RIMBP2: variants seen among roughly 807,000 people sequenced by gnomAD.
The protein encoded by RIMBP2 is RIMS-binding protein 2.
A neutral mutation model predicts 118.6 loss-of-function variants in RIMBP2; 48 were observed. That is an observed-to-expected ratio of 0.40 (90% CI 0.32 to 0.51). The LOEUF (loss-of-function observed/expected upper bound fraction) is 0.51, where lower values mean the gene tolerates loss of function less well. Ranked by LOEUF, RIMBP2 falls within the 20% of genes least tolerant of loss-of-function variation. The pLI is 0.41. For synonymous variants in RIMBP2, 762 were observed against 742.9 expected, an observed-to-expected ratio of 1.03 and a Z score of -0.42; for missense variants, 1,551 against 1,768.3, an observed-to-expected ratio of 0.88 and a Z score of 2.20.
chr12:130,615,432 T>G (rs2060870216), intron 2 of RIMBP2, among the ~76,000 whole-genome samples: 1 of 151,726 alleles, frequency 6.6e-6, no homozygotes, highest in South Asian at 2.1e-4. Flanking sequence ...CATCTCAGCC[T>G]CCAGAGTAGC....
At chr12:130,558,932 G>C (rs1196362521) in intron 2 of RIMBP2, among the ~76,000 whole-genome samples, 1 of 152,162 alleles carries the variant, frequency 6.6e-6, no homozygotes, top group African/African-American at 2.4e-5. Context: ...AAGTAGGTTA[G>C]AAACTCACAT....
intron 2 of RIMBP2, among the ~76,000 whole-genome samples, chr12:130,593,092 C>T (rs1014287476): frequency 6.6e-6 from 1 of 152,230 alleles, no homozygotes; most frequent in Non-Finnish European, 1.5e-5. Context: ...TCTTCCCGGG[C>T]CCATTCCCTC....
chr12:130,715,553 G>A (rs145223705), intron 1 of RIMBP2, among the ~76,000 whole-genome samples: 7 of 152,290 alleles, frequency 4.6e-5, no homozygotes, highest in Non-Finnish European at 5.9e-5. Context: ...GTCTGCCCCC[G>A]GCCAGCAGCC....
chr12:130,567,807 C>T (rs1329078685), intron 2 of RIMBP2, among the ~76,000 whole-genome samples: 1 of 152,170 alleles, frequency 6.6e-6, no homozygotes, highest in African/African-American at 2.4e-5. Context: ...CACTCGGCAT[C>T]GCCTTTCTAG....
intron 1 of RIMBP2, among the ~76,000 whole-genome samples, chr12:130,702,232 T>A (rs1466945249): frequency 6.6e-6 from 1 of 151,988 alleles, no homozygotes. Context: ...TAACCACATG[T>A]GGGACCGGGC....
intron 2 of RIMBP2, among the ~76,000 whole-genome samples, chr12:130,559,100 T>C (rs998573884): frequency 3.3e-5 from 5 of 152,230 alleles, no homozygotes; most frequent in African/African-American, 4.8e-5. Flanking sequence ...TTCTGATATA[T>C]GTTTATGTTA....
In RIMBP2 at chr12:130,529,829, G is replaced by A. The variant is rs139867893; in HGVS notation, c.-216-11912C>T. 5.6e-3 allele frequency among the ~76,000 whole-genome samples: 850 copies of A among 152,174 alleles called. 5 individuals carry two copies. The highest frequency in any genetic ancestry group is 9.4e-3 in the Non-Finnish European group (639 of 67,988). ...GGCATTAGGTTCTCATAAGGAGTGT[G>A]CAAACTAGATCCCTCACATGTGCAG... On this transcript the variant is annotated intron_variant, in intron 2 of 22. Coordinates refer to ENST00000690449, the MANE Select transcript of RIMBP2 (RefSeq NM_001393629.1).
At chr12:130,418,995 G>A (rs1324574034) in intron 17 of RIMBP2, among the ~76,000 whole-genome samples, 1 of 152,216 alleles carries the variant, frequency 6.6e-6, no homozygotes, top group Non-Finnish European at 1.5e-5. Context: ...GTAGAGGTGG[G>A]TGGAGCACTT....
In RIMBP2 at chr12:130,658,101, G is replaced by A. The variant is rs1486002657; in HGVS notation, c.-351-29645C>T. ...CCCACCTTCCCAGTACTTAAAAGAC[G>A]ACGGCAGTAACCAACAATGAATGCC... On this transcript the variant is annotated intron_variant, in intron 1 of 22. Transcript: ENST00000690449. The A allele has an allele frequency of 2.6e-5, 4 of 152,250 alleles. No individual in the cohort carries two copies. The East Asian group carries it at 5.8e-4, about 22-fold the overall frequency. 9.4% of individuals were successfully genotyped at this position (152,250 alleles called of 1,614,324 possible).
intron 2 of RIMBP2, among the ~76,000 whole-genome samples, chr12:130,519,057 T>G (rs1416704177): frequency 3.3e-5 from 5 of 152,262 alleles, no homozygotes; most frequent in Non-Finnish European, 7.3e-5. Flanking sequence ...GCTGTCAGGC[T>G]GAGAACTTCT....
In RIMBP2 at chr12:130,607,744, A is replaced by G. The variant is rs531311299; in HGVS notation, c.-217+20578T>C. On this transcript the variant is annotated intron_variant, in intron 2 of 22. Coordinates refer to ENST00000690449, the MANE Select transcript of RIMBP2 (RefSeq NM_001393629.1). ...TCAGTAAGGGGAGCCCCAGAAAACT[A>G]TTCATTCCACCAGGTTCAAGTTCCA... 8.6e-5 allele frequency among the ~76,000 whole-genome samples: 13 copies of G among 152,040 alleles called. No homozygotes were observed. In the South Asian group the frequency reaches 1.5e-3, roughly 17 times the overall value.
At chr12:130,660,738 C>T (rs1478049029) in intron 1 of RIMBP2, 3 of 152,218 alleles carry the variant, frequency 2.0e-5, no homozygotes, top group Admixed American at 6.5e-5. Context: ...CCCTGTTTCT[C>T]TGATTGAGCA....
intron 2 of RIMBP2, among the ~76,000 whole-genome samples, chr12:130,590,306 C>G (rs560977717): frequency 2.0e-5 from 3 of 152,170 alleles, no homozygotes; most frequent in Admixed American, 6.5e-5. Context: ...TGACAACACA[C>G]GTAATTGCTC....
At chr12:130,467,913 C>G (rs1000389589) in intron 6 of RIMBP2, among the ~76,000 whole-genome samples, 1 of 152,198 alleles carries the variant, frequency 6.6e-6, no homozygotes, top group Non-Finnish European at 1.5e-5. Flanking sequence ...ATCTCAGACA[C>G]CTTTGGTTCT....
At chr12:130,657,952 C>T (rs772604709) in intron 1 of RIMBP2, 3 of 152,286 alleles carry the variant, frequency 2.0e-5, no homozygotes, top group Non-Finnish European at 4.4e-5. Flanking sequence ...AATCAGAGAA[C>T]GCACGGCTGG....
In RIMBP2 at chr12:130,424,494, T is replaced by C; in HGVS notation, c.2777A>G (p.Glu926Gly). ...GAAGCCAAACCGCGACTCGTCCTCT[T>C]CACTCCCACAGTCCAGGCCGCTGTC... ...SPDSGLDCGS[E>G]EDESRFGFGN... Residue 926 changes from glutamate to glycine, a missense_variant, in exon 16 of 23, where the codon GAA becomes GGA. By Grantham distance (98) the Glu-to-Gly change is moderately conservative. Transcript: ENST00000690449. This position sits in a 1 kb window ranked among gnomAD's most constrained non-coding sequence, Gnocchi z 9.8. 8.1e-7 allele frequency: 1 copy of C among 1,232,048 alleles called. No homozygotes were observed. 76.3% of individuals were successfully genotyped at this position (1,232,048 alleles called of 1,614,324 possible).
chr12:130,467,637 CT>C (rs1266736880), intron 6 of RIMBP2, among the ~76,000 whole-genome samples: 16 of 152,206 alleles, frequency 1.1e-4, no homozygotes, highest in African/African-American at 3.9e-4. Context: ...ACATCCCTGT[CT>C]TAATAAATTG....
chr12:130,584,415 ACATCACCACCATCACCT>A (rs1213034151), intron 2 of RIMBP2, among the ~76,000 whole-genome samples: 4 of 128,184 alleles, frequency 3.1e-5, no homozygotes, highest in East Asian at 2.4e-4. Flanking sequence ...CACCACCATC[ACATCACCACCATCACCT>A]CATCACCACC....
chr12:130,602,593 G>T (rs894108840), intron 2 of RIMBP2, among the ~76,000 whole-genome samples: 2 of 152,174 alleles, frequency 1.3e-5, no homozygotes, highest in South Asian at 2.1e-4. Flanking sequence ...CCATTGGCAG[G>T]GCTACCATTG....
Sources: gnomAD v4.1 joint callset for allele counts (sites outside exome capture counted in the v4.1 genomes callset) on GRCh38, gnomAD v4.1.1 for gene constraint, Gnocchi (gnomAD v3.1) non-coding constraint, MANE v1.5 for transcripts, NCBI Gene and HGNC (gene_info 2026-07-23, HGNC 2026-07-21) for gene names.